LRP1B: variants seen among roughly 807,000 people sequenced by gnomAD.
LRP1B encodes the protein low-density lipoprotein receptor-related protein 1B.
A neutral mutation model predicts 556.6 loss-of-function variants in LRP1B; 217 were observed. That is an observed-to-expected ratio of 0.39 (90% CI 0.35 to 0.44). LRP1B has a LOEUF of 0.44. Among genes scored for constraint, LRP1B ranks in the 20% least tolerant of loss-of-function variants. The pLI, the probability that LRP1B is intolerant of heterozygous loss-of-function variation, is 1.00. For missense variants in LRP1B, 5,053 were observed against 5,620.8 expected (o/e 0.90, Z 3.23); for synonymous variants, 2,047 against 1,865.8 (o/e 1.10, Z -2.50).
chr2:141,710,340 T>C (rs953693167), intron 2 of LRP1B, among the ~76,000 whole-genome samples: 3 of 152,168 alleles, frequency 2.0e-5, no homozygotes, highest in Non-Finnish European at 4.4e-5. Context: ...GATTTTTTTT[T>C]GTTGGGAAAA....
chr2:141,596,047 G>A (rs1045470350), intron 2 of LRP1B, among the ~76,000 whole-genome samples: 3 of 151,758 alleles, frequency 2.0e-5, no homozygotes, highest in Non-Finnish European at 2.9e-5. Context: ...AATTTACAGG[G>A]CTATATTAAT....
chr2:141,874,084 A>AT (rs200281267), intron 1 of LRP1B, among the ~76,000 whole-genome samples: 1,764 of 102,858 alleles, frequency 0.017, 37 homozygotes, highest in East Asian at 0.028. Context: ...TGAACTAACA[A>AT]TTTTTTTTTT....
At chr2:140,433,409 T>TG (rs1686038988) in intron 66 of LRP1B, among the ~76,000 whole-genome samples, 1 of 152,144 alleles carries the variant, frequency 6.6e-6, no homozygotes, top group African/African-American at 2.4e-5. Flanking sequence ...ATGTTATACT[T>TG]GCAATAGTTT....
At chr2:140,533,267 C>T (rs1574049813) in intron 47 of LRP1B, among the ~76,000 whole-genome samples, 1 of 151,960 alleles carries the variant, frequency 6.6e-6, no homozygotes, top group East Asian at 1.9e-4. Flanking sequence ...TACACTATTG[C>T]CAAATACTGT....
chr2:140,895,025 G>A (rs1050918660), intron 23 of LRP1B, among the ~76,000 whole-genome samples: 1 of 151,932 alleles, frequency 6.6e-6, no homozygotes, highest in African/African-American at 2.4e-5. Context: ...GGTTCAGAGT[G>A]GAAAGGAGTT....
intron 2 of LRP1B, among the ~76,000 whole-genome samples, chr2:141,598,768 C>A (rs1687614398): frequency 6.6e-6 from 1 of 152,016 alleles, no homozygotes; most frequent in Non-Finnish European, 1.5e-5. Context: ...GATGGAAATA[C>A]AGATGAAATG....
intron 67 of LRP1B, among the ~76,000 whole-genome samples, chr2:140,381,861 CAAAAAAAA>C (rs56723132): frequency 0.028 from 1,776 of 64,214 alleles, 23 homozygotes; most frequent in African/African-American, 0.043. Flanking sequence ...GGCTCCCTTT[CAAAAAAAA>C]AAAAAAAAAA....
At chr2:140,573,092 G>A (rs1681391412) in intron 43 of LRP1B, among the ~76,000 whole-genome samples, 1 of 151,678 alleles carries the variant, frequency 6.6e-6, no homozygotes, top group Non-Finnish European at 1.5e-5. Context: ...ACTGTAGGGT[G>A]ACTATAGTTA....
chr2:141,809,505 C>A (rs1349723829), intron 2 of LRP1B, among the ~76,000 whole-genome samples: 2 of 151,764 alleles, frequency 1.3e-5, no homozygotes, highest in African/African-American at 4.8e-5. Flanking sequence ...TATCAATATT[C>A]AGGGGACTGT....
At chr2:141,553,431 A>G (rs1335218232) in intron 2 of LRP1B, among the ~76,000 whole-genome samples, 3 of 151,546 alleles carry the variant, frequency 2.0e-5, no homozygotes, top group African/African-American at 7.3e-5. Context: ...TCTCTTTTAA[A>G]TATACAGGAA....
intron 86 of LRP1B, among the ~76,000 whole-genome samples, chr2:140,265,280 A>AT (rs5834730): frequency 6.6e-5 from 10 of 151,888 alleles, no homozygotes; most frequent in East Asian, 3.9e-4. Context: ...AACACATTAG[A>AT]TTTTTTTAAA....
At chr2:141,259,724 A>G (rs186295538) in intron 3 of LRP1B, among the ~76,000 whole-genome samples, 84 of 152,306 alleles carry the variant, frequency 5.5e-4, no homozygotes, top group South Asian at 1.7e-3. Context: ...TTTGTTACAT[A>G]TGAGTGATGA....
At chr2:141,012,073 T>C (rs1400572429) in intron 14 of LRP1B, among the ~76,000 whole-genome samples, 1 of 152,020 alleles carries the variant, frequency 6.6e-6, no homozygotes, top group African/African-American at 2.4e-5. Flanking sequence ...GTATTTCTTA[T>C]TTTTTTAAAT....
At chr2:140,720,118 T>C (rs1687350210) in intron 35 of LRP1B, among the ~76,000 whole-genome samples, 1 of 152,038 alleles carries the variant, frequency 6.6e-6, no homozygotes, top group African/African-American at 2.4e-5. Flanking sequence ...TGATACTTAT[T>C]TCCAAATATA....
At position 140,390,768 on chromosome 2, in the gene LRP1B, T is replaced by TCACACACACA. The variant is rs70985096; in HGVS notation, c.10415-4769_10415-4760dup. Reference sequence around the variant, plus strand: ...TTGGCAAAACACTTGAATAGAAACTTCACACACACACACACACACACACAC... The same window carrying TCACACACACA: ...TTGGCAAAACACTTGAATAGAAACTTCACACACACACACACACACACACACACACACACAC... On this transcript the variant is annotated intron_variant, in intron 66 of 90. Coordinates refer to ENST00000389484, the MANE Select transcript of LRP1B (RefSeq NM_018557.3). Among the ~76,000 whole-genome samples, 434 of 143,780 alleles carry TCACACACACA rather than the reference T, an allele frequency of 3.0e-3. 1 individual carries two copies. The highest frequency in any genetic ancestry group is 0.011 in the Middle Eastern group (3 of 282). 94.3% of individuals were successfully genotyped at this position (143,780 alleles called of 152,430 possible).
At chr2:141,560,020 G>A (rs912374328) in intron 2 of LRP1B, among the ~76,000 whole-genome samples, 2 of 151,428 alleles carry the variant, frequency 1.3e-5, no homozygotes, top group Non-Finnish European at 3.0e-5. Flanking sequence ...TCAGACTAAG[G>A]CTAAGTTCTT....
At chr2:141,759,896 C>T (rs1362947960) in intron 2 of LRP1B, among the ~76,000 whole-genome samples, 3 of 151,992 alleles carry the variant, frequency 2.0e-5, no homozygotes, top group Non-Finnish European at 4.4e-5. Context: ...TTTGGTAGGC[C>T]GAGGCGGGTA....
chr2:141,164,196 A>G lies in LRP1B; in HGVS notation c.1013+24225T>C, dbSNP rs572865492. On this transcript the variant is annotated intron_variant, in intron 7 of 90. Transcript: ENST00000389484. The stretch of plus-strand genomic sequence containing the variant: ...CTTTCAAAGAAATTAATGATCCCAT[A>G]ATAAATAATCTATTGAAGAGCCGTA... Among the ~76,000 whole-genome samples, 3 of 152,196 alleles carry G rather than the reference A, an allele frequency of 2.0e-5. No homozygotes were observed. The South Asian group carries it at 6.2e-4, about 32-fold the overall frequency.
At chr2:140,463,407 A>T (rs962879119) in intron 60 of LRP1B, among the ~76,000 whole-genome samples, 1 of 151,978 alleles carries the variant, frequency 6.6e-6, no homozygotes, top group Non-Finnish European at 1.5e-5. Context: ...CAAACCATTT[A>T]AAAAAATTAT....
Sources: gnomAD v4.1 joint callset for allele counts (sites outside exome capture counted in the v4.1 genomes callset) on GRCh38, gnomAD v4.1.1 for gene constraint, MANE v1.5 for transcripts, NCBI Gene and HGNC (gene_info 2026-07-23, HGNC 2026-07-21) for gene names.